NCF4: variants seen among roughly 807,000 people sequenced by gnomAD.
The protein encoded by NCF4 is neutrophil cytosolic factor 4.
Under a neutral mutation model 41.7 loss-of-function variants are expected in NCF4, and 30 were observed. That is an observed-to-expected ratio of 0.72 (90% CI 0.54 to 0.97). The LOEUF (loss-of-function observed/expected upper bound fraction) is 0.97, where lower values mean the gene tolerates loss of function less well. Among genes scored for constraint, NCF4 ranks in the 50% least tolerant of loss-of-function variants. The pLI is 0.00. For missense variants in NCF4, 432 were observed against 460.9 expected (o/e 0.94, Z 0.57); for synonymous variants, 195 against 175.8 (o/e 1.11, Z -0.87).
intron 1 of NCF4, among the ~76,000 whole-genome samples, chr22:36,863,374 G>C (rs1222422168): frequency 1.3e-5 from 2 of 151,768 alleles, no homozygotes; most frequent in Non-Finnish European, 2.9e-5. Flanking sequence ...CTTCCCAAGG[G>C]AGCTTGATCT....
Position 36,864,081 on chromosome 22 carries a change from G to A in NCF4, c.69G>A (p.Ser23=), listed in dbSNP as rs10854695. 0.019 allele frequency: 30,037 copies of A among 1,613,954 alleles called. 2,314 individuals are homozygous for A. In the African/African-American group the frequency reaches 0.21, roughly 11 times the overall value. ...FEQLPDDVAI[S]ANIADIEEKR... is the part of the protein sequence containing the mutation. ...AGCTTCCGGATGATGTTGCCATCTC[G>A]GCCAACATTGCTGACATCGAGGAGA... The change falls in exon 2 of 10, where the codon TCG becomes TCA. Residue 23 remains serine, a synonymous_variant. Transcript: ENST00000248899.
chr22:36,862,871 G>T (rs918689406), intron 1 of NCF4, among the ~76,000 whole-genome samples: 1 of 152,190 alleles, frequency 6.6e-6, no homozygotes, highest in Non-Finnish European at 1.5e-5. Context: ...TGTGCCAGGT[G>T]CCAGAAAACC....
rs1939862890 is a variant in NCF4 at position 36,864,159 on chromosome 22, CA to C, written c.117+32del. Reference sequence around the variant, plus strand: ...GACAGACTCCTAGTCCTTCACCCAACAACCTCTGAACTTCCACCCAGCTGAC... The same window carrying C: ...GACAGACTCCTAGTCCTTCACCCAACACCTCTGAACTTCCACCCAGCTGAC... On this transcript the variant is annotated intron_variant, in intron 2 of 9. Coordinates refer to ENST00000248899, the MANE Select transcript of NCF4 (RefSeq NM_000631.5). The C allele has an allele frequency of 3.2e-6, 5 of 1,567,666 alleles. No homozygotes were observed. In the East Asian group the frequency reaches 1.1e-4, roughly 35 times the overall value.
In NCF4 at chr22:36,876,330, G is replaced by A. The variant is rs34305158; in HGVS notation, c.824+236G>A. Among the ~76,000 whole-genome samples the A allele has an allele frequency of 2.6e-3, 391 of 152,246 alleles. 3 individuals are homozygous for A. The highest frequency in any genetic ancestry group is 8.6e-3 in the African/African-American group (356 of 41,518). On this transcript the variant is annotated intron_variant, in intron 9 of 9. Transcript: ENST00000248899. ...TCACGCAGGTTGTGGGTTTAGATCCGGATCTGCAGCTGGAGCTAAAGTCTC... is the reference window on the plus strand; with the variant it reads ...TCACGCAGGTTGTGGGTTTAGATCCAGATCTGCAGCTGGAGCTAAAGTCTC...
At chr22:36,870,343 G>A (rs192427861) in intron 4 of NCF4, 72 bp from the exon 5 acceptor site, 15 of 1,604,308 alleles carry the variant, frequency 9.3e-6, no homozygotes, top group South Asian at 3.3e-5. Flanking sequence ...GCTCGGGGAC[G>A]GGACATCTAG....
intron 7 of NCF4, 31 bp downstream of exon 7, chr22:36,872,456 T>C (rs762641799): frequency 7.9e-6 from 12 of 1,514,878 alleles, no homozygotes; most frequent in African/African-American, 5.6e-5. Context: ...GGAGGTGAGA[T>C]TGAAGGTGAG....
chr22:36,874,137 T>C (rs1940143588), intron 7 of NCF4, among the ~76,000 whole-genome samples: 2 of 152,236 alleles, frequency 1.3e-5, no homozygotes, highest in South Asian at 4.1e-4. Context: ...ACTAGGGTCA[T>C]TAGGAGACTT....
chr22:36,861,694 T>C (rs1939777942), intron 1 of NCF4, among the ~76,000 whole-genome samples: 1 of 152,242 alleles, frequency 6.6e-6, no homozygotes, highest in South Asian at 2.1e-4. Context: ...TCTGCCTGGT[T>C]CTTATATTAC....
chr22:36,867,109 T>TTG (rs1348651932), intron 3 of NCF4, among the ~76,000 whole-genome samples: 1 of 46,282 alleles, frequency 2.2e-5, no homozygotes, highest in Non-Finnish European at 4.4e-5. Flanking sequence ...GAACTAAGAG[T>TTG]CGTGTGTGTG....
chr22:36,862,442 A>G (rs1430630498), intron 1 of NCF4, among the ~76,000 whole-genome samples: 1 of 152,196 alleles, frequency 6.6e-6, no homozygotes, highest in Admixed American at 6.5e-5. Flanking sequence ...TGGGGGACCC[A>G]GCCGCACGCA....
At position 36,864,016 on chromosome 22, in the gene NCF4, C is replaced by T. The variant is rs776531099; in HGVS notation, c.33-29C>T. The T allele has an allele frequency of 1.9e-6, 3 of 1,601,146 alleles. No homozygotes were observed. The African/African-American group carries it at 4.0e-5, about 22-fold the overall frequency. ...CCACAAAACACATCAGGGTGATAAGCAGGATCTCTTTTCCCCTCCTTCGCA... is the reference window on the plus strand; with the variant it reads ...CCACAAAACACATCAGGGTGATAAGTAGGATCTCTTTTCCCCTCCTTCGCA... On this transcript the variant is annotated intron_variant, in intron 1 of 9. Coordinates refer to ENST00000248899, the MANE Select transcript of NCF4 (RefSeq NM_000631.5).
chr22:36,877,760 C>T lies in NCF4; in HGVS notation c.957C>T (p.Leu319=), dbSNP rs779285588. 2.5e-6 allele frequency: 4 copies of T among 1,614,112 alleles called. No individual in the cohort carries two copies. The highest frequency in any genetic ancestry group is 3.4e-6 in the Non-Finnish European group (4 of 1,180,020). ...QARGLPSQKR[L]FPWKLHITQK... ...GTGGCCTCCCCTCCCAGAAGCGCCT[C>T]TTCCCCTGGAAGCTGCACATCACGC... The change falls in exon 10 of 10, where the codon CTC becomes CTT. Residue 319 remains leucine (L), a synonymous_variant. Transcript: ENST00000248899.
chr22:36,870,960 T>G (rs937263366), intron 5 of NCF4, among the ~76,000 whole-genome samples: 2 of 152,180 alleles, frequency 1.3e-5, no homozygotes, highest in African/African-American at 4.8e-5. Context: ...TGGCTCTAGT[T>G]GTATCATGCT....
At chr22:36,874,963 C>T (rs1381912164) in intron 7 of NCF4, among the ~76,000 whole-genome samples, 1 of 152,154 alleles carries the variant, frequency 6.6e-6, no homozygotes, top group Non-Finnish European at 1.5e-5. Flanking sequence ...GTTCACAGCG[C>T]GCACAGCGTG....
chr22:36,872,829 T>C lies in NCF4; in HGVS notation c.627+404T>C, dbSNP rs184157109. On this transcript the variant is annotated intron_variant, in intron 7 of 9. Coordinates refer to ENST00000248899, the MANE Select transcript of NCF4 (RefSeq NM_000631.5). ...GTGGAGATGAGGGTGAAGGTGAGGA[T>C]GGAGGTAAGGGTGGACGTGAGGATG... Among the ~76,000 whole-genome samples the C allele has an allele frequency of 1.1e-3, 115 of 106,676 alleles. 3 individuals are homozygous for C. The East Asian group carries it at 0.032, about 30-fold the overall frequency. The allele number at this position is 106,676 out of a possible 152,430, so 70.0% of individuals were successfully genotyped here. A position where few individuals can be genotyped will look rare whatever the true frequency, so the allele number is the denominator to read the frequency against.
At chr22:36,872,465 A>G in intron 7 of NCF4, 40 bp downstream of exon 7, 1 of 1,471,728 alleles carries the variant, frequency 6.8e-7, no homozygotes, top group South Asian at 1.2e-5. Flanking sequence ...ATTGAAGGTG[A>G]GGTTGGAGGG....
intron 9 of NCF4, among the ~76,000 whole-genome samples, 158 bp from the exon 10 acceptor site, chr22:36,877,470 G>A (rs1274306331): frequency 6.6e-6 from 1 of 152,114 alleles, no homozygotes; most frequent in Non-Finnish European, 1.5e-5. Context: ...ATCCCCATCT[G>A]TACAATGGGA....
intron 2 of NCF4, 98 bp from the exon 3 acceptor site, chr22:36,864,821 T>A: frequency 6.8e-7 from 1 of 1,470,974 alleles, no homozygotes; most frequent in East Asian, 2.3e-5. Context: ...CTTATCCTCA[T>A]CATCTTCCTC....
chr22:36,872,147 G>T (rs1044608732), intron 6 of NCF4, 180 bp from the exon 7 acceptor site: 1 of 718,452 alleles, frequency 1.4e-6, no homozygotes. Context: ...GAGTCAGGGA[G>T]ACCTGGGTTC....
Sources: gnomAD v4.1 joint callset for allele counts (sites outside exome capture counted in the v4.1 genomes callset) on GRCh38, gnomAD v4.1.1 for gene constraint, MANE v1.5 for transcripts, NCBI Gene and HGNC (gene_info 2026-07-23, HGNC 2026-07-21) for gene names.